Variants in CSRNP3 observed in about 807,000 individuals in gnomAD.
CSRNP3 encodes cysteine and serine rich nuclear protein 3.
In CSRNP3, 12 loss-of-function variants were observed where a neutral mutation model predicts 48.0. That is an observed-to-expected ratio of 0.25 (90% CI 0.16 to 0.41). The LOEUF (loss-of-function observed/expected upper bound fraction) is 0.41, where lower values mean the gene tolerates loss of function less well. Ranked by LOEUF, CSRNP3 falls within the 10% of genes least tolerant of loss-of-function variation. The pLI is 1.00. For synonymous variants in CSRNP3, 263 were observed against 269.7 expected, an observed-to-expected ratio of 0.98 and a Z score of 0.24; for missense variants, 580 against 724.4, an observed-to-expected ratio of 0.80 and a Z score of 2.29.
intron 3 of CSRNP3, among the ~76,000 whole-genome samples, chr2:165,590,275 A>G (rs1418529229): frequency 6.6e-6 from 1 of 152,216 alleles, no homozygotes; most frequent in Non-Finnish European, 1.5e-5. Context: ...CATTGTTAAT[A>G]TAACATTCAT....
At chr2:165,670,702 C>T (rs909576120) in intron 5 of CSRNP3, among the ~76,000 whole-genome samples, 5 of 152,090 alleles carry the variant, frequency 3.3e-5, no homozygotes, top group Admixed American at 6.6e-5. Context: ...CACACAGATG[C>T]GAAAGCTGTT....
At chr2:165,515,011 T>C (rs1684557594) in intron 2 of CSRNP3, among the ~76,000 whole-genome samples, 1 of 152,138 alleles carries the variant, frequency 6.6e-6, no homozygotes, top group African/African-American at 2.4e-5. Context: ...TGCCTCTGTC[T>C]AAATTATAGG....
intron 1 of CSRNP3, among the ~76,000 whole-genome samples, chr2:165,477,466 A>AATATATATAT (rs34169125): frequency 7.6e-6 from 1 of 131,112 alleles, no homozygotes; most frequent in African/African-American, 2.8e-5. Context: ...TAAAAATACA[A>AATATATATAT]ATATATATAT....
Position 165,666,996 on chromosome 2 carries a change from AG to A in CSRNP3, c.408+8977del, listed in dbSNP as rs1228995801. On this transcript the variant is annotated intron_variant, in intron 5 of 6. Coordinates refer to ENST00000651982, the MANE Select transcript of CSRNP3 (RefSeq NM_001172173.2). ...GAAAGAGAGAGAGGAAGAAAGAAAG[AG>A]AGAGAGAGGAAGGAAGGAAGGAAAG... Among the ~76,000 whole-genome samples, 35 of 21,842 alleles carry A rather than the reference AG, an allele frequency of 1.6e-3. 1 individual carries two copies. The highest frequency in any genetic ancestry group is 5.5e-3 in the South Asian group (2 of 362). 14.3% of individuals were successfully genotyped at this position (21,842 alleles called of 152,430 possible).
chr2:165,554,177 C>T (rs943811136), intron 3 of CSRNP3, among the ~76,000 whole-genome samples: 3 of 152,160 alleles, frequency 2.0e-5, no homozygotes, highest in African/African-American at 7.2e-5. Context: ...CTCTTTGCTG[C>T]CAGGAAACCA....
In CSRNP3 at chr2:165,637,670, C is replaced by T. The variant is rs143821317; in HGVS notation, c.149-20091C>T. 1.5e-3 allele frequency among the ~76,000 whole-genome samples: 232 copies of T among 152,300 alleles called. No homozygotes were observed. The East Asian group carries it at 0.032, about 21-fold the overall frequency. On this transcript the variant is annotated intron_variant, in intron 4 of 6. Coordinates refer to ENST00000651982, the MANE Select transcript of CSRNP3 (RefSeq NM_001172173.2). ...ATAAGTGCCAGAGTATAAGATGACTCATTTATAGCAATGCCATTTCATGAA... is the reference window on the plus strand; with the variant it reads ...ATAAGTGCCAGAGTATAAGATGACTTATTTATAGCAATGCCATTTCATGAA...
intron 1 of CSRNP3, among the ~76,000 whole-genome samples, chr2:165,472,475 G>A (rs1053915831): frequency 2.6e-5 from 4 of 151,468 alleles, no homozygotes; most frequent in Admixed American, 6.6e-5. Flanking sequence ...TTACTTTTAT[G>A]TAGCTTTTCT....
chr2:165,681,821 G>GTA lies in CSRNP3; in HGVS notation c.*2069_*2070insAT, dbSNP rs1380938241. The GTA allele has an allele frequency of 2.4e-4, 34 of 140,356 alleles. 1 individual carries two copies. Among genetic ancestry groups the GTA allele is most frequent in the African/African-American group, 8.5e-4 (32 of 37,802 alleles). 8.7% of individuals were successfully genotyped at this position (140,356 alleles called of 1,614,324 possible). On this transcript the variant is annotated 3_prime_UTR_variant, in exon 7 of 7. Transcript: ENST00000651982. ...TATATGTATGTGTGTGTGTGTGTGT[G>GTA]TGTGTGTGTATATATATATATCCCA...
At chr2:165,653,833 G>C (rs1013817146) in intron 4 of CSRNP3, among the ~76,000 whole-genome samples, 4 of 151,606 alleles carry the variant, frequency 2.6e-5, no homozygotes, top group African/African-American at 9.7e-5. Flanking sequence ...TTAGCTGGGC[G>C]TGGTGGCAGA....
chr2:165,616,948 T>G (rs1686256176), intron 4 of CSRNP3, among the ~76,000 whole-genome samples: 1 of 152,126 alleles, frequency 6.6e-6, no homozygotes, highest in Non-Finnish European at 1.5e-5. Flanking sequence ...AGCCTATTGT[T>G]GAAGCTCTCA....
At position 165,679,415 on chromosome 2, in the gene CSRNP3, C is replaced by G. The variant is rs1180590299; in HGVS notation, c.1420C>G (p.Pro474Ala). 2 of 1,612,940 alleles carry G rather than the reference C, an allele frequency of 1.2e-6. No homozygotes were observed. The highest frequency in any genetic ancestry group is 1.7e-6 in the Non-Finnish European group (2 of 1,179,566). ...TTCGCTGGTGCCTTACACCATGACC[C>G]CGGAGCAATTCGTTGACTATGCCCG... ...TLSLVPYTMT[P>A]EQFVDYARQA... Residue 474 changes from proline to alanine, a missense_variant, in exon 7 of 7, where the codon CCG (proline) becomes GCG (alanine). Coordinates refer to ENST00000651982, the MANE Select transcript of CSRNP3 (RefSeq NM_001172173.2).
chr2:165,551,238 G>A (rs776329937), intron 3 of CSRNP3, among the ~76,000 whole-genome samples: 3 of 152,118 alleles, frequency 2.0e-5, no homozygotes, highest in Non-Finnish European at 2.9e-5. Flanking sequence ...ATACTGTCAC[G>A]TGTTCTCCCA....
At chr2:165,668,600 C>T (rs1687275911) in intron 5 of CSRNP3, among the ~76,000 whole-genome samples, 1 of 151,916 alleles carries the variant, frequency 6.6e-6, no homozygotes, top group African/African-American at 2.4e-5. Flanking sequence ...CAGGGTTTCA[C>T]CATGTTGGCC....
rs1346609278 is a variant in CSRNP3, at chr2:165,657,744, G to T, written c.149-17G>T. 1 of 1,611,350 alleles carries T rather than the reference G, an allele frequency of 6.2e-7. No individual in the cohort carries two copies. Among genetic ancestry groups the T allele is most frequent in the Non-Finnish European group, 8.5e-7 (1 of 1,177,818 alleles). Reference sequence around the variant, plus strand: ...TGCTGCCCCAAGTGTTCACAGGATTGTTTCTTTCTCTTTCAGCTTCCTCCA... The same window carrying T: ...TGCTGCCCCAAGTGTTCACAGGATTTTTTCTTTCTCTTTCAGCTTCCTCCA... On this transcript the variant is annotated splice_polypyrimidine_tract_variant and intron_variant, in intron 4 of 6. Coordinates refer to ENST00000651982, the MANE Select transcript of CSRNP3 (RefSeq NM_001172173.2).
At position 165,645,430 on chromosome 2, in the gene CSRNP3, A is replaced by C. The variant is rs532181542; in HGVS notation, c.149-12331A>C. Among the ~76,000 whole-genome samples the C allele has an allele frequency of 2.0e-5, 3 of 152,352 alleles. No homozygotes were observed. The East Asian group carries it at 5.8e-4, about 29-fold the overall frequency. On this transcript the variant is annotated intron_variant, in intron 4 of 6. Coordinates refer to ENST00000651982, the MANE Select transcript of CSRNP3 (RefSeq NM_001172173.2). ...CTAACAACCTCCCAAATGCTCCACT[A>C]TCTGATACCATCACCTTGGGGGTTA...
intron 3 of CSRNP3, among the ~76,000 whole-genome samples, chr2:165,560,293 C>G (rs890922593): frequency 1.3e-5 from 2 of 152,022 alleles, no homozygotes; most frequent in Non-Finnish European, 2.9e-5. Flanking sequence ...TAGATATAGC[C>G]ATCCCTAGAA....
chr2:165,555,850 A>G (rs545289621), intron 3 of CSRNP3, among the ~76,000 whole-genome samples: 180 of 148,468 alleles, frequency 1.2e-3, no homozygotes, highest in Middle Eastern at 3.4e-3. Context: ...TTTTATATTC[A>G]GCTTCTATTA....
At chr2:165,531,020 T>A (rs1271709644) in intron 3 of CSRNP3, among the ~76,000 whole-genome samples, 1 of 152,066 alleles carries the variant, frequency 6.6e-6, no homozygotes, top group Non-Finnish European at 1.5e-5. Context: ...AATATGCACA[T>A]GAATAATATA....
At chr2:165,647,879 G>C (rs375336334) in intron 4 of CSRNP3, among the ~76,000 whole-genome samples, 1 of 152,080 alleles carries the variant, frequency 6.6e-6, no homozygotes, top group East Asian at 1.9e-4. Context: ...TGTAGGTTAG[G>C]TGTATTAAAT....
Sources: gnomAD v4.1 joint callset for allele counts (sites outside exome capture counted in the v4.1 genomes callset) on GRCh38, gnomAD v4.1.1 for gene constraint, MANE v1.5 for transcripts, NCBI Gene and HGNC (gene_info 2026-07-23, HGNC 2026-07-21) for gene names.